UST: variants seen among roughly 807,000 people sequenced by gnomAD.
The protein encoded by UST is chondroitin sulfate 2-O-sulfotransferase.
In UST, 21 loss-of-function variants were observed where a neutral mutation model predicts 45.6. The observed-to-expected ratio is 0.46, with a 90% CI of 0.33 to 0.66. The LOEUF (loss-of-function observed/expected upper bound fraction) is 0.66, where lower values mean the gene tolerates loss of function less well. UST is among the 30% of genes least tolerant of loss of function. UST has a pLI of 0.02. For missense variants in UST, 463 were observed against 512.4 expected (o/e 0.90, Z 0.93); for synonymous variants, 215 against 200.6 (o/e 1.07, Z -0.61).
At chr6:148,810,224 G>A (rs1489107695) in intron 1 of UST, among the ~76,000 whole-genome samples, 4 of 152,138 alleles carry the variant, frequency 2.6e-5, no homozygotes, top group Non-Finnish European at 5.9e-5. Context: ...TGGACCAGTA[G>A]CCATATATTT....
In UST at chr6:148,934,573, A is replaced by G. The variant is rs891024759; in HGVS notation, c.292-6706A>G. ...TGTGAGTGGAGCTCATCAACACACA[A>G]TGAGACCCCAGGAAGACACAACAGT... On this transcript the variant is annotated intron_variant, in intron 2 of 7. Coordinates refer to ENST00000367463, the MANE Select transcript of UST (RefSeq NM_005715.3). This position sits in a 1 kb window ranked among gnomAD's most constrained non-coding sequence, Gnocchi z 4.1. Among the ~76,000 whole-genome samples, 7 of 152,130 alleles carry G rather than the reference A, an allele frequency of 4.6e-5. No individual in the cohort carries two copies. The highest frequency in any genetic ancestry group is 3.2e-3 in the Middle Eastern group (1 of 316).
At chr6:148,949,533 A>ATGT (rs1780323115) in intron 3 of UST, among the ~76,000 whole-genome samples, 3 of 152,008 alleles carry the variant, frequency 2.0e-5, no homozygotes, top group Non-Finnish European at 4.4e-5. Context: ...TGATGGTGTT[A>ATGT]TGTCCTGGAT....
intron 2 of UST, among the ~76,000 whole-genome samples, chr6:148,919,043 T>G (rs907019050): frequency 2.0e-5 from 3 of 152,212 alleles, no homozygotes; most frequent in African/African-American, 7.2e-5. Flanking sequence ...CCTGTGATCT[T>G]TACTATAGTA....
intron 2 of UST, among the ~76,000 whole-genome samples, chr6:148,901,150 C>T (rs143329177): frequency 1.5e-3 from 231 of 152,314 alleles, no homozygotes; most frequent in African/African-American, 5.4e-3. Context: ...TTTGGGGGAC[C>T]ATCATTCTGC....
At chr6:148,926,381 G>A (rs1779815121) in intron 2 of UST, among the ~76,000 whole-genome samples, 1 of 152,208 alleles carries the variant, frequency 6.6e-6, no homozygotes, top group South Asian at 2.1e-4. Context: ...CTAACAAACA[G>A]AAAACCTGAC....
chr6:148,775,360 T>G (rs906515609), intron 1 of UST, among the ~76,000 whole-genome samples: 8 of 152,146 alleles, frequency 5.3e-5, no homozygotes, highest in African/African-American at 1.9e-4. Context: ...GAAGTTAGGA[T>G]GGAGCGAGGT....
At chr6:148,872,958 C>G (rs931237587) in intron 1 of UST, among the ~76,000 whole-genome samples, 2 of 152,140 alleles carry the variant, frequency 1.3e-5, no homozygotes, top group Non-Finnish European at 2.9e-5. Flanking sequence ...TCTCTTTTGC[C>G]ACGTAAAGTA....
intron 1 of UST, among the ~76,000 whole-genome samples, chr6:148,843,561 T>C (rs1562274674): frequency 6.6e-6 from 1 of 152,204 alleles, no homozygotes; most frequent in Non-Finnish European, 1.5e-5. Flanking sequence ...CATTTAATCA[T>C]GAAGGTAACT....
chr6:148,771,348 G>C (rs1776420844), intron 1 of UST, among the ~76,000 whole-genome samples: 1 of 152,180 alleles, frequency 6.6e-6, no homozygotes, highest in African/African-American at 2.4e-5. Flanking sequence ...CATAGGCTGT[G>C]GCTGTTGAGC....
rs757603933 is a variant in UST, at chr6:148,795,204, T to C, written c.247+47527T>C. ...GCTGTAGTAAGAAATATTTGAGAAGTAGGCTTGGGATGGAGGTGTGCACTG... is the reference window on the plus strand; with the variant it reads ...GCTGTAGTAAGAAATATTTGAGAAGCAGGCTTGGGATGGAGGTGTGCACTG... On this transcript the variant is annotated intron_variant, in intron 1 of 7. Coordinates refer to ENST00000367463, the MANE Select transcript of UST (RefSeq NM_005715.3). Among the ~76,000 whole-genome samples the C allele has an allele frequency of 7.2e-5, 11 of 152,314 alleles. No individual in the cohort carries two copies. The South Asian group carries it at 1.0e-3, about 14-fold the overall frequency.
At chr6:148,866,926 G>C (rs1030983392) in intron 1 of UST, among the ~76,000 whole-genome samples, 14 of 151,596 alleles carry the variant, frequency 9.2e-5, no homozygotes, top group African/African-American at 3.4e-4. Flanking sequence ...TAATGGCTTT[G>C]CTTGATTCTG....
intron 1 of UST, among the ~76,000 whole-genome samples, chr6:148,782,175 A>T (rs1018360287): frequency 3.3e-5 from 5 of 150,532 alleles, no homozygotes; most frequent in Non-Finnish European, 7.4e-5. Context: ...CCTCTGATGG[A>T]TCTGGGCAAA....
Position 148,899,062 on chromosome 6 carries a change from G to A in UST, c.291+12033G>A, listed in dbSNP as rs1306620090. ...TTGTAGTAACTTAATCATCTTAGCA[G>A]CTCCCAATATAGCATATAGCTACCT... On this transcript the variant is annotated intron_variant, in intron 2 of 7. Transcript: ENST00000367463. Among the ~76,000 whole-genome samples the A allele has an allele frequency of 3.4e-5, 5 of 148,322 alleles. No individual in the cohort carries two copies. The East Asian group carries it at 7.9e-4, about 23-fold the overall frequency.
chr6:148,862,272 G>C (rs1778333156), intron 1 of UST, among the ~76,000 whole-genome samples: 1 of 152,066 alleles, frequency 6.6e-6, no homozygotes, highest in Non-Finnish European at 1.5e-5. Flanking sequence ...TGTCTCTTTT[G>C]ATCTTTGTTG....
intron 1 of UST, among the ~76,000 whole-genome samples, chr6:148,862,713 C>T (rs1582859999): frequency 6.6e-6 from 1 of 152,310 alleles, no homozygotes; most frequent in East Asian, 1.9e-4. Context: ...AATCTCTCAG[C>T]ATTTGCTTGT....
chr6:148,884,149 A>C (rs1778872220), intron 1 of UST, among the ~76,000 whole-genome samples: 1 of 151,886 alleles, frequency 6.6e-6, no homozygotes, highest in Non-Finnish European at 1.5e-5. Context: ...AAAAAAAAAA[A>C]ATTGCAGACC....
intron 1 of UST, among the ~76,000 whole-genome samples, chr6:148,852,425 C>T (rs1227665854): frequency 1.3e-5 from 2 of 152,228 alleles, no homozygotes; most frequent in Non-Finnish European, 1.5e-5. Flanking sequence ...GGAAAAGAGC[C>T]TAGGCCTGTT....
At chr6:149,017,316 C>G (rs1775917243) in intron 5 of UST, among the ~76,000 whole-genome samples, 1 of 151,664 alleles carries the variant, frequency 6.6e-6, no homozygotes. Context: ...GGTGGAGCTT[C>G]CAGTGAGCCG....
intron 1 of UST, among the ~76,000 whole-genome samples, chr6:148,885,208 T>C (rs1484714014): frequency 6.6e-6 from 1 of 152,178 alleles, no homozygotes; most frequent in African/African-American, 2.4e-5. Flanking sequence ...GTTGAGGCTG[T>C]CTTCGATCCT....
Sources: allele counts gnomAD v4.1 joint callset (sites outside exome capture counted in the v4.1 genomes callset), GRCh38; gene constraint gnomAD v4.1.1; non-coding constraint Gnocchi (gnomAD v3.1); transcripts MANE v1.5; gene names NCBI Gene and HGNC (gene_info 2026-07-23, HGNC 2026-07-21).